The following GLCCI1 variants were observed in gnomAD, a reference collection of about 807,000 sequenced individuals.
The protein encoded by GLCCI1 is glucocorticoid-induced transcript 1 protein.
Under a neutral mutation model 52.2 loss-of-function variants are expected in GLCCI1, and 24 were observed. The observed-to-expected ratio is 0.46, with a 90% CI of 0.33 to 0.65. The LOEUF is 0.65. GLCCI1 is among the 30% of genes least tolerant of loss of function. The pLI is 0.02. For missense variants in GLCCI1, 704 were observed against 701.5 expected, an observed-to-expected ratio of 1.00 and a Z score of -0.04; for synonymous variants, 310 against 276.5, an observed-to-expected ratio of 1.12 and a Z score of -1.20.
chr7:8,082,772 A>G (rs534878662), intron 6 of GLCCI1, among the ~76,000 whole-genome samples: 2 of 152,344 alleles, frequency 1.3e-5, no homozygotes, highest in Non-Finnish European at 2.9e-5. Flanking sequence ...AAGAAGAAAA[A>G]TTACTTATTC....
Position 7,969,020 on chromosome 7 carries a change from C to A in GLCCI1, c.-331C>A. 6.1e-6 allele frequency: 1 copy of A among 162,956 alleles called. No individual in the cohort carries two copies. The highest frequency in any genetic ancestry group is 1.3e-5 in the Non-Finnish European group (1 of 74,706). The allele number at this position is 162,956 out of a possible 1,614,324, so 10.1% of individuals were successfully genotyped here. A position where few individuals can be genotyped will look rare whatever the true frequency, so the allele number is the denominator to read the frequency against. ...GAGCGGCCCTCGGGGCTGCGTGATC[C>A]GGGCCGTTGCCCTGTCAGCACGATG... On this transcript the variant is annotated 5_prime_UTR_variant, in exon 1 of 8. Transcript: ENST00000223145. This position sits in a 1 kb window ranked among gnomAD's most constrained non-coding sequence, Gnocchi z 4.9.
intron 5 of GLCCI1, among the ~76,000 whole-genome samples, chr7:8,066,497 C>A (rs138600432): frequency 6.6e-6 from 1 of 150,728 alleles, no homozygotes; most frequent in Non-Finnish European, 1.5e-5. Flanking sequence ...TATCTGAGAT[C>A]GGATTTTTAT....
At chr7:7,994,753 A>G (rs559559183) in intron 1 of GLCCI1, among the ~76,000 whole-genome samples, 1 of 152,330 alleles carries the variant, frequency 6.6e-6, no homozygotes, top group South Asian at 2.1e-4. Flanking sequence ...CAGCATCTTC[A>G]TATTGTTGGA....
At chr7:7,991,304 T>G (rs2115416141) in intron 1 of GLCCI1, among the ~76,000 whole-genome samples, 1 of 152,208 alleles carries the variant, frequency 6.6e-6, no homozygotes, top group East Asian at 1.9e-4. Flanking sequence ...TACTTTTCAG[T>G]TTAGATATCA....
chr7:8,079,499 TTTAACTGTC>T (rs1782949168), intron 6 of GLCCI1, among the ~76,000 whole-genome samples: 3 of 151,568 alleles, frequency 2.0e-5, no homozygotes, highest in Non-Finnish European at 4.4e-5. Flanking sequence ...ACTTTTCAGT[TTTAACTGTC>T]ATATCAGATT....
At chr7:8,026,382 C>T (rs543143562) in intron 3 of GLCCI1, among the ~76,000 whole-genome samples, 10 of 152,292 alleles carry the variant, frequency 6.6e-5, no homozygotes, top group African/African-American at 2.2e-4. Flanking sequence ...TAGAAGCCTA[C>T]AGCATTCATC....
chr7:7,998,074 T>C (rs985458813), intron 1 of GLCCI1, among the ~76,000 whole-genome samples: 2 of 151,864 alleles, frequency 1.3e-5, no homozygotes, highest in Non-Finnish European at 2.9e-5. Context: ...ATTTAACATA[T>C]ATTAGAGCAG....
In GLCCI1 at chr7:8,080,412, C is replaced by A. The variant is rs938146671; in HGVS notation, c.1178-4485C>A. On this transcript the variant is annotated intron_variant, in intron 6 of 7. Transcript: ENST00000223145. ...AAGAATTACATTCTACTGCTTATTGCTGCATATACTATGAAAGTATTTTCT... is the reference window on the plus strand; with the variant it reads ...AAGAATTACATTCTACTGCTTATTGATGCATATACTATGAAAGTATTTTCT... 7.3e-5 allele frequency among the ~76,000 whole-genome samples: 11 copies of A among 151,486 alleles called. 1 individual carries two copies. Among genetic ancestry groups the A allele is most frequent in the African/African-American group, 2.5e-4 (10 of 40,770 alleles).
chr7:7,999,991 A>G (rs1781020751), intron 1 of GLCCI1, among the ~76,000 whole-genome samples: 1 of 152,238 alleles, frequency 6.6e-6, no homozygotes, highest in Admixed American at 6.5e-5. Flanking sequence ...AAGGAGTTTT[A>G]ATAATTAAAT....
At chr7:7,982,346 G>T (rs752078457) in intron 1 of GLCCI1, 7 of 181,924 alleles carry the variant, frequency 3.8e-5, no homozygotes, top group Non-Finnish European at 6.9e-5. Context: ...TTCATACTAG[G>T]ATTATCACCC....
At chr7:7,976,505 G>GAAAAAAAAAAAAAAAAA (rs1562413230) in intron 1 of GLCCI1, among the ~76,000 whole-genome samples, 1 of 87,564 alleles carries the variant, frequency 1.1e-5, no homozygotes, top group African/African-American at 5.0e-5. Flanking sequence ...AAAAGGAAAG[G>GAAAAAAAAAAAAAAAAA]AAAAAGGAAA....
At chr7:8,059,585 TTAGCATAATACTGTTGCCA>T (rs1237465491) in intron 4 of GLCCI1, among the ~76,000 whole-genome samples, 4 of 152,240 alleles carry the variant, frequency 2.6e-5, no homozygotes, top group African/African-American at 9.6e-5. Context: ...GTTGTTGAAC[TTAGCATAATACTGTTGCCA>T]CATTACTTAA....
At position 8,060,227 on chromosome 7, in the gene GLCCI1, T is replaced by C; in HGVS notation, c.945T>C (p.Asn315=). 6.2e-7 allele frequency: 1 copy of C among 1,611,664 alleles called. No homozygotes were observed. The highest frequency in any genetic ancestry group is 1.1e-5 in the South Asian group (1 of 90,914). Residue 315 remains asparagine (N), a synonymous_variant, in exon 5 of 8, where the codon AAT becomes AAC. Transcript: ENST00000223145. ...ELEKVFIKEN[N]GKEEVSKPLD... is the part of the protein sequence containing the mutation. ...AAAAGGTATTCATTAAAGAAAATAA[T>C]GGGAAGGAAGAAGTATCCAAGGTAA...
chr7:8,025,135 A>C (rs868163208), intron 3 of GLCCI1, among the ~76,000 whole-genome samples: 1 of 152,192 alleles, frequency 6.6e-6, no homozygotes. Context: ...CACATATCCC[A>C]GGTTGAGTGG....
At chr7:8,042,357 C>G (rs1289195017) in intron 3 of GLCCI1, among the ~76,000 whole-genome samples, 1 of 152,108 alleles carries the variant, frequency 6.6e-6, no homozygotes, top group Non-Finnish European at 1.5e-5. Flanking sequence ...ATTCTAGATG[C>G]CATTAAGAAC....
intron 3 of GLCCI1, chr7:8,024,830 A>G (rs537486016): frequency 2.0e-4 from 30 of 152,322 alleles, no homozygotes; most frequent in African/African-American, 7.2e-4. Context: ...AATAGCACAA[A>G]TTCGTGATCT....
chr7:7,978,488 A>AT (rs1215887428), intron 1 of GLCCI1, among the ~76,000 whole-genome samples: 4 of 152,174 alleles, frequency 2.6e-5, no homozygotes, highest in Non-Finnish European at 5.9e-5. Context: ...TAGAAAATAA[A>AT]TTTTAATCTC....
chr7:8,044,823 A>G (rs1782085777), intron 3 of GLCCI1, among the ~76,000 whole-genome samples: 1 of 152,244 alleles, frequency 6.6e-6, no homozygotes, highest in South Asian at 2.1e-4. Context: ...TTTAATCATA[A>G]GTAAATACAT....
chr7:8,037,630 C>T (rs1249733218), intron 3 of GLCCI1, among the ~76,000 whole-genome samples: 1 of 152,118 alleles, frequency 6.6e-6, no homozygotes, highest in Non-Finnish European at 1.5e-5. Flanking sequence ...AGGATCTAAT[C>T]ATATCTTGCT....
Sources: allele counts gnomAD v4.1 joint callset (sites outside exome capture counted in the v4.1 genomes callset), GRCh38; gene constraint gnomAD v4.1.1; non-coding constraint Gnocchi (gnomAD v3.1); transcripts MANE v1.5; gene names NCBI Gene and HGNC (gene_info 2026-07-23, HGNC 2026-07-21).